The following PLEKHA7 variants were observed in gnomAD, a reference collection of about 807,000 sequenced individuals.
PLEKHA7 encodes the protein pleckstrin homology domain containing A7.
PLEKHA7 carries 104 observed loss-of-function variants against 170.0 expected under a neutral mutation model. The ratio of observed to expected loss-of-function variants is 0.61; its 90% CI spans 0.52 to 0.72. The LOEUF is 0.72. Ranked by LOEUF, PLEKHA7 falls within the 30% of genes least tolerant of loss-of-function variation. The probability of loss-of-function intolerance (pLI) is 0.00; values close to 1 mark genes in which losing one functional copy is unlikely to be tolerated. For missense variants in PLEKHA7, 1,615 were observed against 1,671.7 expected, an observed-to-expected ratio of 0.97 and a Z score of 0.59; for synonymous variants, 648 against 660.8, an observed-to-expected ratio of 0.98 and a Z score of 0.30.
intron 3 of PLEKHA7, among the ~76,000 whole-genome samples, chr11:16,953,413 C>T (rs893418379): frequency 1.3e-5 from 2 of 152,112 alleles, no homozygotes; most frequent in African/African-American, 4.8e-5. Context: ...GACTTAAAGT[C>T]CTAAGATCTT....
At chr11:16,989,837 C>T (rs1863930566) in intron 3 of PLEKHA7, among the ~76,000 whole-genome samples, 1 of 152,164 alleles carries the variant, frequency 6.6e-6, no homozygotes, top group Non-Finnish European at 1.5e-5. Flanking sequence ...CTGTGTACTA[C>T]ACACAGCTCT....
intron 26 of PLEKHA7, among the ~76,000 whole-genome samples, chr11:16,781,693 T>C (rs1849033762): frequency 1.3e-5 from 2 of 152,274 alleles, no homozygotes; most frequent in African/African-American, 2.4e-5. Context: ...ACTAAGACTA[T>C]GGCCCCTCCC....
intron 3 of PLEKHA7, among the ~76,000 whole-genome samples, chr11:16,919,665 T>C (rs1298197476): frequency 6.6e-6 from 1 of 151,848 alleles, no homozygotes; most frequent in Non-Finnish European, 1.5e-5. Context: ...CCTCATCTCT[T>C]AAAATTAAAA....
intron 3 of PLEKHA7, among the ~76,000 whole-genome samples, chr11:16,875,945 A>G (rs917254266): frequency 9.9e-5 from 15 of 152,152 alleles, no homozygotes; most frequent in African/African-American, 3.6e-4. Context: ...TGATTTACCT[A>G]TAACCTCAGT....
At chr11:16,806,322 G>A (rs192754210) in intron 13 of PLEKHA7, among the ~76,000 whole-genome samples, 9 of 152,306 alleles carry the variant, frequency 5.9e-5, no homozygotes, top group African/African-American at 1.2e-4. Flanking sequence ...CACGTGTAGC[G>A]TATTACATCT....
intron 3 of PLEKHA7, among the ~76,000 whole-genome samples, chr11:16,903,390 G>A (rs1358682859): frequency 6.6e-6 from 1 of 152,190 alleles, no homozygotes; most frequent in Admixed American, 6.5e-5. Context: ...TCAGTTAGGT[G>A]AATGAGGATC....
At chr11:16,861,589 T>C (rs1590374598) in intron 4 of PLEKHA7, among the ~76,000 whole-genome samples, 2 of 151,974 alleles carry the variant, frequency 1.3e-5, no homozygotes, top group Non-Finnish European at 1.5e-5. Context: ...GCAGAGGCTG[T>C]AGTGAGCCGA....
intron 3 of PLEKHA7, among the ~76,000 whole-genome samples, chr11:16,887,104 C>A (rs1036261681): frequency 6.6e-6 from 1 of 151,816 alleles, no homozygotes; most frequent in African/African-American, 2.4e-5. Context: ...GAAAGAAGAG[C>A]AATATTATTT....
intron 3 of PLEKHA7, among the ~76,000 whole-genome samples, chr11:16,941,904 T>A (rs1860718603): frequency 6.6e-6 from 1 of 152,254 alleles, no homozygotes; most frequent in African/African-American, 2.4e-5. Flanking sequence ...CATCTTGAAC[T>A]CCTCTGCTGA....
At chr11:16,961,338 C>T (rs1862046468) in intron 3 of PLEKHA7, among the ~76,000 whole-genome samples, 2 of 152,354 alleles carry the variant, frequency 1.3e-5, no homozygotes, top group South Asian at 2.1e-4. Context: ...GTGGTCCTAA[C>T]GCCAGGCTAT....
rs565557793 is a variant in PLEKHA7 at position 16,979,008 on chromosome 11, A to G, written c.221+34981T>C. On this transcript the variant is annotated intron_variant, in intron 3 of 26. Transcript: ENST00000531066. ...CCCCAGCCACCAGAACAAGATTTGT[A>G]AAGTTCCAACCTGATTCTTTTGTTG... Among the ~76,000 whole-genome samples, 4 of 152,250 alleles carry G rather than the reference A, an allele frequency of 2.6e-5. No individual in the cohort carries two copies. The East Asian group carries it at 5.8e-4, about 22-fold the overall frequency.
chr11:16,856,078 T>C (rs536182298), intron 4 of PLEKHA7, among the ~76,000 whole-genome samples, 164 bp from the exon 5 acceptor site: 1 of 152,264 alleles, frequency 6.6e-6, no homozygotes, highest in South Asian at 2.1e-4. Flanking sequence ...GGCCGCAATG[T>C]CCAGCCTGCC....
At chr11:16,998,073 GGAT>G (rs1483923150) in intron 3 of PLEKHA7, among the ~76,000 whole-genome samples, 1 of 152,168 alleles carries the variant, frequency 6.6e-6, no homozygotes, top group Admixed American at 6.5e-5. Context: ...TGTAAAATGA[GGAT>G]GATAACCGTA....
chr11:17,011,008 C>T (rs2137135561), intron 3 of PLEKHA7, among the ~76,000 whole-genome samples: 1 of 152,320 alleles, frequency 6.6e-6, no homozygotes, highest in East Asian at 1.9e-4. Flanking sequence ...ATTGCTTTTT[C>T]TAGGCCTGGG....
rs555559815 is a variant in PLEKHA7, at chr11:16,797,282, T to C, written c.2410-2264A>G. 3.3e-5 allele frequency among the ~76,000 whole-genome samples: 5 copies of C among 152,230 alleles called. No individual in the cohort carries two copies. In the South Asian group the frequency reaches 6.2e-4, roughly 19 times the overall value. On this transcript the variant is annotated intron_variant, in intron 17 of 26. Transcript: ENST00000531066. ...CTTTTAAGTTAAAATGGGGGAAAGA[T>C]AGCCTTGGTCCCACCCCATGGACTA...
chr11:16,892,337 A>C (rs1458827983), intron 3 of PLEKHA7, among the ~76,000 whole-genome samples: 1 of 152,162 alleles, frequency 6.6e-6, no homozygotes, highest in Non-Finnish European at 1.5e-5. Flanking sequence ...CTAAAAACTT[A>C]TAGCCAACTC....
chr11:16,877,154 T>TG (rs1471928021), intron 3 of PLEKHA7, among the ~76,000 whole-genome samples: 1 of 152,218 alleles, frequency 6.6e-6, no homozygotes, highest in African/African-American at 2.4e-5. Context: ...CTGGACCTTC[T>TG]GGTTCCTCAA....
chr11:16,839,608 T>C (rs1243365530), intron 9 of PLEKHA7, among the ~76,000 whole-genome samples: 1 of 152,034 alleles, frequency 6.6e-6, no homozygotes, highest in African/African-American at 2.4e-5. Context: ...ACTGAACACA[T>C]GCAGACTTAT....
At chr11:16,812,345 A>C (rs1046898307) in intron 13 of PLEKHA7, 1 of 152,244 alleles carries the variant, frequency 6.6e-6, no homozygotes, top group Non-Finnish European at 1.5e-5. Context: ...TGGAGACTGT[A>C]GGGAGGCACG....
Sources: gnomAD v4.1 joint callset for allele counts (sites outside exome capture counted in the v4.1 genomes callset) on GRCh38, gnomAD v4.1.1 for gene constraint, MANE v1.5 for transcripts, NCBI Gene and HGNC (gene_info 2026-07-23, HGNC 2026-07-21) for gene names.